LARP4B: variants seen among roughly 807,000 people sequenced by gnomAD.
The protein encoded by LARP4B is La ribonucleoprotein 4B.
LARP4B carries 12 observed loss-of-function variants against 89.8 expected under a neutral mutation model. The ratio of observed to expected loss-of-function variants is 0.13; its 90% CI spans 0.09 to 0.22. LARP4B has a LOEUF of 0.22. Ranked by LOEUF, LARP4B falls within the 10% of genes least tolerant of loss-of-function variation. LARP4B has a pLI of 1.00. For synonymous variants in LARP4B, 367 were observed against 363.3 expected (o/e 1.01, Z -0.12); for missense variants, 757 against 947.7 (o/e 0.80, Z 2.64).
At chr10:938,346 G>A in the LARP4B span, among the ~76,000 whole-genome samples, 1 of 151,308 alleles carries the variant, frequency 6.6e-6, no homozygotes, top group Non-Finnish European at 1.5e-5. Context: ...CGCCTCCCGG[G>A]TTCACGCCAT....
intron 1 of LARP4B, among the ~76,000 whole-genome samples, chr10:910,033 T>C (rs1222786670): frequency 6.6e-6 from 1 of 152,148 alleles, no homozygotes; most frequent in Admixed American, 6.5e-5. Context: ...GTGTGGGACT[T>C]CTGTCATGCC....
rs542921073 is a variant in LARP4B at position 815,055 on chromosome 10, C to T, written c.1711G>A (p.Ala571Thr). 1.7e-5 allele frequency: 27 copies of T among 1,586,140 alleles called. No individual in the cohort carries two copies. The highest frequency in any genetic ancestry group is 1.6e-4 in the African/African-American group (12 of 74,044). Residue 571 changes from alanine (A) to threonine (T), a missense_variant, in exon 16 of 18, where the codon GCA (alanine) becomes ACA (threonine). Coordinates refer to ENST00000316157, the MANE Select transcript of LARP4B (RefSeq NM_015155.3). ...PSKERTLSAD[A>T]SVNTLPVVVS... Reference sequence around the variant, plus strand: ...ACTACAGGAAGGGTGTTCACGCTTGCGTCTGCACTGAGGGTCTGAAACAGG... The same window carrying T: ...ACTACAGGAAGGGTGTTCACGCTTGTGTCTGCACTGAGGGTCTGAAACAGG...
intron 1 of LARP4B, chr10:903,643 T>C (rs1235322400): frequency 6.6e-6 from 1 of 152,214 alleles, no homozygotes; most frequent in Non-Finnish European, 1.5e-5. Flanking sequence ...ATGCACCTTG[T>C]AGAGTACACC....
At chr10:928,389 C>T (rs982662482) in intron 1 of LARP4B, among the ~76,000 whole-genome samples, 1 of 152,162 alleles carries the variant, frequency 6.6e-6, no homozygotes, top group Non-Finnish European at 1.5e-5. Context: ...CTAGCTATCA[C>T]TATTTTGACG....
At chr10:916,393 T>C (rs762111215) in intron 1 of LARP4B, among the ~76,000 whole-genome samples, 2 of 152,214 alleles carry the variant, frequency 1.3e-5, no homozygotes, top group Non-Finnish European at 2.9e-5. Context: ...AAATAATTTT[T>C]TTTTTAAGAG....
At chr10:967,992 G>A in the LARP4B span, among the ~76,000 whole-genome samples, 3 of 152,140 alleles carry the variant, frequency 2.0e-5, no homozygotes, top group Non-Finnish European at 4.4e-5. Context: ...AGGAGCCACC[G>A]CGCCCGGCCC....
rs570638590 is a variant in LARP4B, at chr10:812,867, G to A, written c.*59C>T. ...AGCGGCTCGCCCTCGCACTGAGTGG[G>A]AGAGTGTCTCGTTTGTGGTTAACAC... On this transcript the variant is annotated 3_prime_UTR_variant, in exon 18 of 18. Transcript: ENST00000316157. The A allele has an allele frequency of 6.8e-6, 10 of 1,465,928 alleles. No individual in the cohort carries two copies. Among genetic ancestry groups the A allele is most frequent in the Non-Finnish European group, 9.0e-6 (10 of 1,106,394 alleles). The allele number at this position is 1,465,928 out of a possible 1,614,324, so 90.8% of individuals were successfully genotyped here.
At chr10:915,576 G>A (rs1836795363) in intron 1 of LARP4B, among the ~76,000 whole-genome samples, 8 of 152,268 alleles carry the variant, frequency 5.3e-5, no homozygotes, top group African/African-American at 1.9e-4. Flanking sequence ...AGGCCAAGGT[G>A]GGTGGATCAC....
chr10:973,586 C>T, the LARP4B span, among the ~76,000 whole-genome samples: 1 of 151,998 alleles, frequency 6.6e-6, no homozygotes, highest in Admixed American at 6.6e-5. Context: ...CTCCTGACCT[C>T]GTGGTCTCCC....
intron 15 of LARP4B, 97 bp from the exon 16 acceptor site, chr10:815,167 A>G: frequency 7.0e-7 from 1 of 1,427,276 alleles, no homozygotes; most frequent in Non-Finnish European, 9.3e-7. Flanking sequence ...GCCTTGGGAG[A>G]GCAGCACAAG....
chr10:824,197 G>A (rs1230018244), intron 13 of LARP4B, among the ~76,000 whole-genome samples: 1 of 152,150 alleles, frequency 6.6e-6, no homozygotes, highest in Non-Finnish European at 1.5e-5. Flanking sequence ...AGATCAACTG[G>A]CCTTATCAAC....
At chr10:958,299 G>C in the LARP4B span, among the ~76,000 whole-genome samples, 8 of 152,154 alleles carry the variant, frequency 5.3e-5, no homozygotes, top group African/African-American at 1.9e-4. Flanking sequence ...CTGACTATCT[G>C]ACCACTGTCA....
intron 7 of LARP4B, 68 bp from the exon 8 acceptor site, chr10:836,574 T>TA (rs1157654325): frequency 5.2e-6 from 5 of 959,908 alleles, no homozygotes; most frequent in African/African-American, 3.3e-5. Context: ...TGGAATGTGT[T>TA]ACATTATATT....
intron 1 of LARP4B, among the ~76,000 whole-genome samples, chr10:917,486 A>G (rs1836852964): frequency 6.6e-6 from 1 of 152,246 alleles, no homozygotes; most frequent in South Asian, 2.1e-4. Context: ...GGCGTATTTT[A>G]AGATATGACC....
chr10:866,140 C>A (rs1834887976), intron 3 of LARP4B, among the ~76,000 whole-genome samples: 1 of 152,190 alleles, frequency 6.6e-6, no homozygotes, highest in Non-Finnish European at 1.5e-5. Flanking sequence ...GTCACTGGAG[C>A]ACCAATGAGC....
At chr10:914,375 G>A (rs1836759039) in intron 1 of LARP4B, among the ~76,000 whole-genome samples, 1 of 152,004 alleles carries the variant, frequency 6.6e-6, no homozygotes, top group African/African-American at 2.4e-5. Context: ...AAATGATAAG[G>A]GGGAAAGGAA....
chr10:939,362 C>T, the LARP4B span, among the ~76,000 whole-genome samples: 20 of 152,152 alleles, frequency 1.3e-4, no homozygotes, highest in Non-Finnish European at 2.1e-4. Flanking sequence ...TTGGAAAGAC[C>T]CTCTCTAGGG....
At chr10:897,783 T>A (rs1411457303) in intron 1 of LARP4B, among the ~76,000 whole-genome samples, 2 of 150,782 alleles carry the variant, frequency 1.3e-5, no homozygotes, top group Admixed American at 1.3e-4. Flanking sequence ...AGGTCAGGAG[T>A]TCGAGACCAG....
At chr10:900,186 A>G (rs1836295865) in intron 1 of LARP4B, among the ~76,000 whole-genome samples, 1 of 152,032 alleles carries the variant, frequency 6.6e-6, no homozygotes, top group Non-Finnish European at 1.5e-5. Context: ...TCTCTCCTAA[A>G]AAATACAAAA....
Sources: gnomAD v4.1 joint callset for allele counts (sites outside exome capture counted in the v4.1 genomes callset) on GRCh38, gnomAD v4.1.1 for gene constraint, MANE v1.5 for transcripts, NCBI Gene and HGNC (gene_info 2026-07-23, HGNC 2026-07-21) for gene names.